NKAIN2: variants seen among roughly 807,000 people sequenced by gnomAD.
NKAIN2 encodes sodium/potassium transporting ATPase interacting 2.
NKAIN2 carries 14 observed loss-of-function variants against 32.6 expected under a neutral mutation model. That is an observed-to-expected ratio of 0.43 (90% CI 0.28 to 0.67). The LOEUF (loss-of-function observed/expected upper bound fraction) is 0.67, where lower values mean the gene tolerates loss of function less well. Ranked by LOEUF, NKAIN2 falls within the 30% of genes least tolerant of loss-of-function variation. The probability of loss-of-function intolerance (pLI) is 0.17; values close to 1 mark genes in which losing one functional copy is unlikely to be tolerated. For synonymous variants in NKAIN2, 80 were observed against 87.2 expected (o/e 0.92, Z 0.46); for missense variants, 198 against 258.3 (o/e 0.77, Z 1.60).
At chr6:124,244,665 A>G (rs1793297678) in intron 1 of NKAIN2, among the ~76,000 whole-genome samples, 1 of 152,050 alleles carries the variant, frequency 6.6e-6, no homozygotes, top group Admixed American at 6.6e-5. Flanking sequence ...CATTCTAACA[A>G]TTTACCATGT....
At chr6:124,599,822 G>A (rs981519073) in intron 3 of NKAIN2, among the ~76,000 whole-genome samples, 1 of 152,072 alleles carries the variant, frequency 6.6e-6, no homozygotes. Flanking sequence ...GACCAAGGGT[G>A]ATGATAAATG....
chr6:123,827,515 A>C (rs984107304), intron 1 of NKAIN2, among the ~76,000 whole-genome samples: 3 of 152,170 alleles, frequency 2.0e-5, no homozygotes, highest in Non-Finnish European at 4.4e-5. Context: ...GCCAGTAAGA[A>C]GTATCAATTT....
At chr6:123,844,920 A>G (rs1270645740) in intron 1 of NKAIN2, among the ~76,000 whole-genome samples, 2 of 152,236 alleles carry the variant, frequency 1.3e-5, no homozygotes, top group African/African-American at 4.8e-5. Context: ...CTAAATCTCA[A>G]CAAGTAAAGC....
intron 4 of NKAIN2, among the ~76,000 whole-genome samples, chr6:124,759,651 ACACAC>A (rs1357844687): frequency 5.4e-4 from 39 of 72,090 alleles, no homozygotes; most frequent in South Asian, 2.1e-3. Context: ...ACACACACAC[ACACAC>A]CCCCTATCTC....
intron 3 of NKAIN2, among the ~76,000 whole-genome samples, chr6:124,413,315 ATTG>A (rs1366498044): frequency 1.3e-5 from 2 of 152,108 alleles, no homozygotes; most frequent in African/African-American, 4.8e-5. Flanking sequence ...CAGATTTTCA[ATTG>A]TTGTGGCACC....
chr6:124,467,711 GACAA>G (rs1334808475), intron 3 of NKAIN2, among the ~76,000 whole-genome samples: 2 of 151,958 alleles, frequency 1.3e-5, no homozygotes, highest in East Asian at 1.9e-4. Flanking sequence ...AATTATCTGT[GACAA>G]ACAAGTATAT....
chr6:124,607,652 C>T (rs1049621139), intron 3 of NKAIN2, among the ~76,000 whole-genome samples: 2 of 151,892 alleles, frequency 1.3e-5, no homozygotes, highest in South Asian at 2.1e-4. Context: ...TATCCATCTT[C>T]GTTATACACA....
At chr6:123,911,074 A>T (rs990169556) in intron 1 of NKAIN2, among the ~76,000 whole-genome samples, 1 of 152,096 alleles carries the variant, frequency 6.6e-6, no homozygotes, top group Admixed American at 6.6e-5. Context: ...AGGTTGCTAT[A>T]TTCTCATTTT....
chr6:124,575,125 CT>C (rs762591098), intron 3 of NKAIN2, among the ~76,000 whole-genome samples: 27 of 152,142 alleles, frequency 1.8e-4, no homozygotes, highest in Non-Finnish European at 3.1e-4. Context: ...AAGCAACTTC[CT>C]TTTGTAAGCT....
intron 2 of NKAIN2, among the ~76,000 whole-genome samples, chr6:124,337,358 T>C (rs151153474): frequency 6.6e-6 from 1 of 152,136 alleles, no homozygotes; most frequent in East Asian, 1.9e-4. Context: ...ATAATAATAA[T>C]TAGCCAGGCA....
intron 4 of NKAIN2, among the ~76,000 whole-genome samples, chr6:124,758,366 G>T (rs1424847847): frequency 2.6e-5 from 4 of 152,072 alleles, no homozygotes; most frequent in Non-Finnish European, 5.9e-5. Context: ...AAGCTCTCTT[G>T]CCCCTTCCGC....
chr6:123,949,955 T>G (rs148771070), intron 1 of NKAIN2, among the ~76,000 whole-genome samples: 6 of 152,170 alleles, frequency 3.9e-5, no homozygotes, highest in Non-Finnish European at 4.4e-5. Flanking sequence ...CTTCACTAAG[T>G]TGAGGTATGT....
chr6:124,342,502 T>TTTG (rs1798173465), intron 2 of NKAIN2, among the ~76,000 whole-genome samples: 1 of 151,868 alleles, frequency 6.6e-6, no homozygotes, highest in African/African-American at 2.4e-5. Flanking sequence ...CAAGTCTTTT[T>TTTG]TTGTTGTTTT....
At chr6:124,485,975 G>A (rs896786016) in intron 3 of NKAIN2, among the ~76,000 whole-genome samples, 5 of 152,170 alleles carry the variant, frequency 3.3e-5, no homozygotes, top group African/African-American at 1.2e-4. Context: ...GAGTGGAAGA[G>A]ATGTGCCTTC....
At chr6:124,186,961 T>C (rs1467799188) in intron 1 of NKAIN2, among the ~76,000 whole-genome samples, 1 of 89,508 alleles carries the variant, frequency 1.1e-5, no homozygotes, top group African/African-American at 3.8e-5. Flanking sequence ...AGAAAAGTAC[T>C]GATGATTTTT....
chr6:124,056,070 C>T lies in NKAIN2; in HGVS notation c.55-226935C>T, dbSNP rs116656910. ...ATTCCAGGTGAGCTGATCGATTGCCCACATTTCTGCAAGTACCAGGACAAA... is the reference window on the plus strand; with the variant it reads ...ATTCCAGGTGAGCTGATCGATTGCCTACATTTCTGCAAGTACCAGGACAAA... On this transcript the variant is annotated intron_variant, in intron 1 of 6. Transcript: ENST00000368417. Among the ~76,000 whole-genome samples the T allele has an allele frequency of 2.4e-3, 358 of 152,092 alleles. 3 individuals are homozygous for T. The highest frequency in any genetic ancestry group is 8.3e-3 in the African/African-American group (344 of 41,528).
At chr6:124,645,621 T>A (rs553987127) in intron 3 of NKAIN2, among the ~76,000 whole-genome samples, 1 of 152,246 alleles carries the variant, frequency 6.6e-6, no homozygotes, top group African/African-American at 2.4e-5. Context: ...TCATCTTATG[T>A]GAGAGACAAC....
intron 1 of NKAIN2, among the ~76,000 whole-genome samples, chr6:123,858,936 A>G (rs1321250644): frequency 6.6e-6 from 1 of 152,152 alleles, no homozygotes; most frequent in Non-Finnish European, 1.5e-5. Flanking sequence ...TATACAAAGG[A>G]TAAGATTTTG....
At chr6:124,046,001 T>C (rs1458226883) in intron 1 of NKAIN2, among the ~76,000 whole-genome samples, 1 of 151,950 alleles carries the variant, frequency 6.6e-6, no homozygotes, top group African/African-American at 2.4e-5. Flanking sequence ...ACAGAATAAA[T>C]TAACTAATTA....
Sources: gnomAD v4.1 joint callset for allele counts (sites outside exome capture counted in the v4.1 genomes callset) on GRCh38, gnomAD v4.1.1 for gene constraint, MANE v1.5 for transcripts, NCBI Gene and HGNC (gene_info 2026-07-23, HGNC 2026-07-21) for gene names.